Variants in BMPR1A observed in about 807,000 individuals in gnomAD.
The protein encoded by BMPR1A is bone morphogenetic protein receptor type-1A.
A neutral mutation model predicts 66.0 loss-of-function variants in BMPR1A; 7 were observed. That is an observed-to-expected ratio of 0.11 (90% CI 0.06 to 0.20). BMPR1A has a LOEUF of 0.20. BMPR1A is among the 10% of genes least tolerant of loss of function. BMPR1A has a pLI of 1.00. For missense variants in BMPR1A, 408 were observed against 669.1 expected, an observed-to-expected ratio of 0.61 and a Z score of 4.31; for synonymous variants, 200 against 229.7, an observed-to-expected ratio of 0.87 and a Z score of 1.17.
intron 1 of BMPR1A, among the ~76,000 whole-genome samples, chr10:86,828,242 G>A (rs188933440): frequency 5.9e-5 from 9 of 152,320 alleles, no homozygotes; most frequent in Admixed American, 4.6e-4. Context: ...CAGGCCATCC[G>A]TCATATGCAG....
chr10:86,893,361 C>T (rs1025446862), intron 5 of BMPR1A, among the ~76,000 whole-genome samples: 2 of 152,198 alleles, frequency 1.3e-5, no homozygotes, highest in Non-Finnish European at 2.9e-5. Context: ...TAAACCTGAT[C>T]TCTTCAAAAT....
Position 86,877,300 on chromosome 10 carries a change from C to T in BMPR1A, c.67+1215C>T, listed in dbSNP as rs185380416. Among the ~76,000 whole-genome samples, 683 of 151,792 alleles carry T rather than the reference C, an allele frequency of 4.5e-3. 7 individuals are homozygous for T. The highest frequency in any genetic ancestry group is 0.016 in the African/African-American group (649 of 41,380). On this transcript the variant is annotated intron_variant, in intron 3 of 12. Coordinates refer to ENST00000372037, the MANE Select transcript of BMPR1A (RefSeq NM_004329.3). Reference sequence around the variant, plus strand: ...TCGGCTCACTGCAAGCTCCGCCTCCCGGGTTCACGCCATTCTCTTGCCTCA... The same window carrying T: ...TCGGCTCACTGCAAGCTCCGCCTCCTGGGTTCACGCCATTCTCTTGCCTCA...
chr10:86,761,730 T>C (rs1841060796), intron 1 of BMPR1A, among the ~76,000 whole-genome samples: 1 of 152,148 alleles, frequency 6.6e-6, no homozygotes, highest in Admixed American at 6.5e-5. Flanking sequence ...GGGCCTGGAA[T>C]GGATAGGAGG....
At chr10:86,912,958 A>G (rs1321349857) in intron 8 of BMPR1A, among the ~76,000 whole-genome samples, 1 of 152,164 alleles carries the variant, frequency 6.6e-6, no homozygotes, top group Non-Finnish European at 1.5e-5. Flanking sequence ...GGAAAAAAAA[A>G]TAATCCCAGC....
intron 1 of BMPR1A, among the ~76,000 whole-genome samples, chr10:86,762,737 A>C (rs145383106): frequency 5.5e-4 from 83 of 152,258 alleles, no homozygotes; most frequent in Admixed American, 1.3e-3. Flanking sequence ...TTATGTTAAG[A>C]TCTACAAAAA....
chr10:86,861,279 G>A (rs946602825), intron 2 of BMPR1A, among the ~76,000 whole-genome samples: 8 of 152,176 alleles, frequency 5.3e-5, no homozygotes, highest in African/African-American at 1.4e-4. Flanking sequence ...TGAGCTTCAC[G>A]TGCATACAGC....
intron 2 of BMPR1A, among the ~76,000 whole-genome samples, chr10:86,840,326 A>G (rs543203975): frequency 1.5e-4 from 23 of 151,616 alleles, no homozygotes; most frequent in Non-Finnish European, 1.5e-4. Flanking sequence ...AAATAACGTA[A>G]CTCTCGAATT....
intron 11 of BMPR1A, 39 bp downstream of exon 11, chr10:86,921,734 C>A: frequency 6.2e-7 from 1 of 1,613,374 alleles, no homozygotes; most frequent in South Asian, 1.1e-5. Flanking sequence ...TTGATTTACT[C>A]ATCATTTTAA....
At chr10:86,920,272 A>G (rs946645825) in intron 10 of BMPR1A, among the ~76,000 whole-genome samples, 3 of 152,196 alleles carry the variant, frequency 2.0e-5, no homozygotes, top group Non-Finnish European at 4.4e-5. Context: ...AAACTATGGT[A>G]TGTTGCATAT....
At chr10:86,802,466 A>G (rs1295631898) in intron 1 of BMPR1A, among the ~76,000 whole-genome samples, 1 of 152,244 alleles carries the variant, frequency 6.6e-6, no homozygotes, top group Non-Finnish European at 1.5e-5. Context: ...AAATGCTTGA[A>G]TGACTATGAT....
intron 2 of BMPR1A, among the ~76,000 whole-genome samples, chr10:86,868,245 C>T (rs142749734): frequency 6.6e-6 from 1 of 152,320 alleles, no homozygotes; most frequent in Non-Finnish European, 1.5e-5. Context: ...CTGTGTATTA[C>T]CTCAGATACA....
chr10:86,759,124 C>G (rs142540273), intron 1 of BMPR1A, among the ~76,000 whole-genome samples: 1 of 152,140 alleles, frequency 6.6e-6, no homozygotes, highest in Non-Finnish European at 1.5e-5. Flanking sequence ...GGGAAAGATA[C>G]CTTAAAATTG....
At chr10:86,892,077 C>G in intron 4 of BMPR1A, 50 bp from the exon 5 acceptor site, 1 of 1,489,760 alleles carries the variant, frequency 6.7e-7, no homozygotes, top group Non-Finnish European at 9.3e-7. Flanking sequence ...TTCGTTAGTA[C>G]TTTCTATGTG....
At chr10:86,805,078 C>T (rs1423482092) in intron 1 of BMPR1A, among the ~76,000 whole-genome samples, 3 of 151,970 alleles carry the variant, frequency 2.0e-5, no homozygotes, top group Non-Finnish European at 4.4e-5. Flanking sequence ...CTAGATGTCT[C>T]CCTTTTTATA....
At chr10:86,887,672 C>T (rs1843085011) in intron 3 of BMPR1A, among the ~76,000 whole-genome samples, 1 of 152,190 alleles carries the variant, frequency 6.6e-6, no homozygotes. Context: ...CCACACTAAA[C>T]TGCTTTTTCT....
At chr10:86,815,124 C>T (rs1156279689) in intron 1 of BMPR1A, among the ~76,000 whole-genome samples, 1 of 152,122 alleles carries the variant, frequency 6.6e-6, no homozygotes, top group Non-Finnish European at 1.5e-5. Context: ...AGATTTGGAT[C>T]TGAAAACTTT....
chr10:86,912,362 G>C lies in BMPR1A; in HGVS notation c.653G>C (p.Ser218Thr), dbSNP rs752893921. 1.2e-6 allele frequency: 2 copies of C among 1,614,044 alleles called. No individual in the cohort carries two copies. Among genetic ancestry groups the C allele is most frequent in the Non-Finnish European group, 1.7e-6 (2 of 1,179,990 alleles). ...DLIDQSQSSGSGSGLPLLVQR... is the reference protein window; with the variant it reads ...DLIDQSQSSGTGSGLPLLVQR... ...ATTGACCAGTCACAAAGTTCTGGTA[G>C]TGGGTCTGGACTACCTTTATTGGTA... Residue 218 changes from serine (S) to threonine (T), a missense_variant, in exon 8 of 13, where the codon AGT (serine) becomes ACT (threonine). This residue lies in a region of BMPR1A where 174 missense variants were observed against 265.1 expected (regional missense o/e 0.66). Transcript: ENST00000372037.
intron 1 of BMPR1A, among the ~76,000 whole-genome samples, 189 bp from the exon 2 acceptor site, chr10:86,838,676 T>C (rs146046780): frequency 3.9e-5 from 6 of 152,040 alleles, no homozygotes; most frequent in Admixed American, 3.9e-4. Flanking sequence ...ACTTTACAAA[T>C]GTAAAGCTTG....
rs1439801694 is a variant in BMPR1A at position 86,903,296 on chromosome 10, C to T, written c.530+3170C>T. On this transcript the variant is annotated intron_variant, in intron 7 of 12. Transcript: ENST00000372037. ...AATTACATTAAAATAGTTATTATAA[C>T]TGTATTTTTTATGTACAAAAGTTAA... 3.2e-4 allele frequency among the ~76,000 whole-genome samples: 48 copies of T among 152,040 alleles called. 1 individual carries two copies. The highest frequency in any genetic ancestry group is 4.4e-5 in the Non-Finnish European group (3 of 68,012).
Sources: gnomAD v4.1 joint callset for allele counts (sites outside exome capture counted in the v4.1 genomes callset) on GRCh38, gnomAD v4.1.1 for gene constraint, gnomAD v4.1.1 regional missense constraint, MANE v1.5 for transcripts, NCBI Gene and HGNC (gene_info 2026-07-23, HGNC 2026-07-21) for gene names.